COL14A1: variants seen among roughly 807,000 people sequenced by gnomAD.
COL14A1 encodes the protein collagen type XIV alpha 1 chain.
In COL14A1, 136 loss-of-function variants were observed where a neutral mutation model predicts 230.3. That is an observed-to-expected ratio of 0.59 (90% CI 0.51 to 0.68). The LOEUF (loss-of-function observed/expected upper bound fraction) is 0.68. Ranked by LOEUF, COL14A1 falls within the 30% of genes least tolerant of loss-of-function variation. The pLI is 0.00. For synonymous variants in COL14A1, 792 were observed against 784.1 expected (o/e 1.01, Z -0.17); for missense variants, 1,976 against 2,215.8 (o/e 0.89, Z 2.17).
chr8:120,266,967 A>G, intron 25 of COL14A1, 84 bp downstream of exon 25: 1 of 1,179,170 alleles, frequency 8.5e-7, no homozygotes. Flanking sequence ...AAACCAGGAT[A>G]TTAATAAAGT....
rs775699572 is a variant in COL14A1 at position 120,369,285 on chromosome 8, G to A, written c.5156-45G>A. ...TCTTGGTTGTCTCAAAACTCACCCT[G>A]TTGTGGCAAAAGACCAACGGTTTTC... On this transcript the variant is annotated intron_variant, in intron 46 of 47. Transcript: ENST00000297848. 1.8e-5 allele frequency: 26 copies of A among 1,459,944 alleles called. No individual in the cohort carries two copies. In the Admixed American group the frequency reaches 5.7e-4, roughly 32 times the overall value. 90.4% of individuals were successfully genotyped at this position (1,459,944 alleles called of 1,614,324 possible). A position where few individuals can be genotyped will look rare whatever the true frequency, so the allele number is the denominator to read the frequency against.
At chr8:120,339,298 G>C (rs1332443113) in intron 42 of COL14A1, among the ~76,000 whole-genome samples, 3 of 152,130 alleles carry the variant, frequency 2.0e-5, no homozygotes, top group East Asian at 3.9e-4. Flanking sequence ...GCCATCTTCT[G>C]TCTTTTTTAC....
At chr8:120,332,797 T>A in intron 42 of COL14A1, 62 bp downstream of exon 42, 2 of 1,319,462 alleles carry the variant, frequency 1.5e-6, no homozygotes, top group Non-Finnish European at 1.1e-6. Flanking sequence ...TTTATGTGTT[T>A]AAATTTACCA....
chr8:120,258,042 G>A (rs768248695), intron 23 of COL14A1, among the ~76,000 whole-genome samples: 1 of 152,134 alleles, frequency 6.6e-6, no homozygotes, highest in Non-Finnish European at 1.5e-5. Flanking sequence ...CAAGGTTTTT[G>A]TGAGTAGAAT....
intron 45 of COL14A1, among the ~76,000 whole-genome samples, chr8:120,364,222 G>A (rs1321172578): frequency 6.6e-6 from 1 of 152,058 alleles, no homozygotes; most frequent in Non-Finnish European, 1.5e-5. Flanking sequence ...ACTGGGTTTT[G>A]TCTATAAAAA....
At chr8:120,316,137 A>G (rs1284809920) in intron 40 of COL14A1, 140 bp downstream of exon 40, 2 of 694,356 alleles carry the variant, frequency 2.9e-6, no homozygotes, top group Non-Finnish European at 4.9e-6. Flanking sequence ...TTTTCCACCT[A>G]TCCTGCACTA....
chr8:120,237,524 AG>A (rs1818483289), intron 19 of COL14A1, among the ~76,000 whole-genome samples: 1 of 152,158 alleles, frequency 6.6e-6, no homozygotes, highest in Non-Finnish European at 1.5e-5. Context: ...GCTTTTATCA[AG>A]GTTCTTAGCT....
rs113725000 is a variant in COL14A1 at position 120,215,475 on chromosome 8, G to A, written c.1598-876G>A. On this transcript the variant is annotated intron_variant, in intron 13 of 47. Coordinates refer to ENST00000297848, the MANE Select transcript of COL14A1 (RefSeq NM_021110.4). ...AGAAAAGATCATGCTAAGAACTGTGGGTTTACGCTGAGGGAGTTGGGAACC... is the reference window on the plus strand; with the variant it reads ...AGAAAAGATCATGCTAAGAACTGTGAGTTTACGCTGAGGGAGTTGGGAACC... 8.5e-3 allele frequency among the ~76,000 whole-genome samples: 1,299 copies of A among 152,244 alleles called. 9 individuals are homozygous for A. Among genetic ancestry groups the A allele is most frequent in the Non-Finnish European group, 0.015 (1,005 of 68,010 alleles).
intron 42 of COL14A1, 47 bp downstream of exon 42, chr8:120,332,782 G>C (rs570590108): frequency 6.9e-7 from 1 of 1,448,944 alleles, no homozygotes; most frequent in East Asian, 2.3e-5. Flanking sequence ...CAGTCATCAC[G>C]TTTATTTATG....
At chr8:120,162,354 C>A in intron 3 of COL14A1, 72 bp from the exon 4 acceptor site, 2 of 1,273,148 alleles carry the variant, frequency 1.6e-6, no homozygotes, top group Non-Finnish European at 2.1e-6. Flanking sequence ...TAATTGCTAA[C>A]TAATAAAGTT....
At chr8:120,146,746 T>C (rs1272598497) in intron 1 of COL14A1, among the ~76,000 whole-genome samples, 2 of 152,160 alleles carry the variant, frequency 1.3e-5, no homozygotes, top group East Asian at 1.9e-4. Flanking sequence ...CGTTATCTGA[T>C]CCATTATGTT....
chr8:120,265,772 AC>A (rs1819485316), intron 24 of COL14A1, among the ~76,000 whole-genome samples: 1 of 151,986 alleles, frequency 6.6e-6, no homozygotes, highest in South Asian at 2.1e-4. Flanking sequence ...ATATATAGTT[AC>A]CTCATTCTTT....
At chr8:120,347,964 C>G (rs902053614) in intron 45 of COL14A1, among the ~76,000 whole-genome samples, 1 of 151,962 alleles carries the variant, frequency 6.6e-6, no homozygotes, top group Non-Finnish European at 1.5e-5. Context: ...TGAAATGAGG[C>G]TCACTTTCTG....
chr8:120,209,759 C>A lies in COL14A1; in HGVS notation c.1325C>A (p.Ala442Asp), dbSNP rs1453839560. The A allele has an allele frequency of 6.2e-7, 1 of 1,600,930 alleles. No homozygotes were observed. Among genetic ancestry groups the A allele is most frequent in the Non-Finnish European group, 8.5e-7 (1 of 1,176,044 alleles). The change falls in exon 12 of 48, where the codon GCT (alanine) becomes GAT (aspartate). Residue 442 changes from alanine to aspartate, a missense_variant. Ala to Asp is a moderately radical substitution (Grantham distance 126). Coordinates refer to ENST00000297848, the MANE Select transcript of COL14A1 (RefSeq NM_021110.4). Reference protein sequence around the residue: ...EGLRGTETTLALPMASDLLLY... With the variant: ...EGLRGTETTLDLPMASDLLLY... ...TTTAAAAAAAAATCTCTTGCAGTTG[C>A]TTTACCGATGGCTTCTGACCTTCTA...
chr8:120,135,831 A>G (rs147330159), intron 1 of COL14A1, among the ~76,000 whole-genome samples: 105 of 152,110 alleles, frequency 6.9e-4, no homozygotes, highest in African/African-American at 2.2e-3. Context: ...GAGGCCTTGC[A>G]TGTCATATTA....
chr8:120,358,306 A>G (rs1392915203), intron 45 of COL14A1, among the ~76,000 whole-genome samples: 3 of 152,180 alleles, frequency 2.0e-5, no homozygotes, highest in Non-Finnish European at 4.4e-5. Context: ...CTCTCTGTTC[A>G]TCCTTTCTTA....
At chr8:120,319,740 G>A (rs1445432423) in intron 40 of COL14A1, among the ~76,000 whole-genome samples, 1 of 152,066 alleles carries the variant, frequency 6.6e-6, no homozygotes, top group African/African-American at 2.4e-5. Flanking sequence ...ATTCAACTCT[G>A]GGCCTGAGGC....
At chr8:120,216,967 A>G (rs1713953988) in intron 14 of COL14A1, among the ~76,000 whole-genome samples, 1 of 152,210 alleles carries the variant, frequency 6.6e-6, no homozygotes, top group Admixed American at 6.5e-5. Context: ...ACACTCCATT[A>G]GTATGAGATG....
intron 14 of COL14A1, among the ~76,000 whole-genome samples, chr8:120,220,117 G>A (rs1418190574): frequency 1.3e-5 from 2 of 151,942 alleles, no homozygotes; most frequent in African/African-American, 4.8e-5. Flanking sequence ...TAATTTTAAG[G>A]ATGAATATTT....
Sources: gnomAD v4.1 joint callset for allele counts (sites outside exome capture counted in the v4.1 genomes callset) on GRCh38, gnomAD v4.1.1 for gene constraint, MANE v1.5 for transcripts, NCBI Gene and HGNC (gene_info 2026-07-23, HGNC 2026-07-21) for gene names.